Variants in AGMO observed in about 807,000 individuals in gnomAD.
AGMO encodes the protein glyceryl-ether monooxygenase.
AGMO carries 75 observed loss-of-function variants against 60.2 expected under a neutral mutation model. The observed-to-expected ratio is 1.25, with a 90% CI of 1.03 to 1.51. The LOEUF is 1.51. Among genes scored for constraint, AGMO ranks in the 40% most tolerant of loss-of-function variants. AGMO has a pLI of 0.00. For synonymous variants in AGMO, 261 were observed against 177.1 expected, an observed-to-expected ratio of 1.47 and a Z score of -3.76; for missense variants, 763 against 525.5, an observed-to-expected ratio of 1.45 and a Z score of -4.42.
intron 3 of AGMO, among the ~76,000 whole-genome samples, chr7:15,529,115 G>A (rs1784207463): frequency 6.6e-6 from 1 of 151,946 alleles, no homozygotes; most frequent in Non-Finnish European, 1.5e-5. Context: ...TTAATTGGGG[G>A]AATTCTTAAA....
At chr7:15,330,642 A>AT (rs968389892) in intron 12 of AGMO, among the ~76,000 whole-genome samples, 1 of 151,922 alleles carries the variant, frequency 6.6e-6, no homozygotes, top group South Asian at 2.1e-4. Flanking sequence ...AACTACACAT[A>AT]TTTTTTCTGG....
intron 12 of AGMO, among the ~76,000 whole-genome samples, chr7:15,301,658 G>A (rs1047395195): frequency 2.0e-5 from 3 of 151,994 alleles, no homozygotes; most frequent in African/African-American, 7.3e-5. Context: ...GAAGGTCCAC[G>A]ATACTTTTAG....
At chr7:15,345,427 CA>C (rs1781999899) in intron 12 of AGMO, among the ~76,000 whole-genome samples, 1 of 152,254 alleles carries the variant, frequency 6.6e-6, no homozygotes, top group Non-Finnish European at 1.5e-5. Context: ...ACTCAAGATA[CA>C]AATCATCACC....
the AGMO span, among the ~76,000 whole-genome samples, chr7:15,150,176 AGTT>A: frequency 6.6e-6 from 1 of 151,998 alleles, no homozygotes; most frequent in Non-Finnish European, 1.5e-5. Flanking sequence ...GCTTTACTGA[AGTT>A]GTTTTTCAGT....
chr7:15,432,243 T>C (rs1486474572), intron 3 of AGMO, among the ~76,000 whole-genome samples: 1 of 151,034 alleles, frequency 6.6e-6, no homozygotes, highest in Admixed American at 6.6e-5. Context: ...TGCCATATAC[T>C]GACTGTTAAA....
chr7:15,454,232 A>G (rs113299284), intron 3 of AGMO, among the ~76,000 whole-genome samples: 17 of 152,218 alleles, frequency 1.1e-4, no homozygotes, highest in African/African-American at 4.1e-4. Context: ...CAGAGGTCTA[A>G]CATACAAGTG....
At chr7:15,474,080 GC>G (rs1782524539) in intron 3 of AGMO, among the ~76,000 whole-genome samples, 1 of 152,102 alleles carries the variant, frequency 6.6e-6, no homozygotes, top group African/African-American at 2.4e-5. Flanking sequence ...AACATTCCAT[GC>G]TCATGGATAG....
chr7:15,496,110 C>T (rs1311838279), intron 3 of AGMO, among the ~76,000 whole-genome samples: 1 of 152,104 alleles, frequency 6.6e-6, no homozygotes. Flanking sequence ...TAGATTTGCA[C>T]AGCTTGGGTG....
At chr7:15,178,894 G>A in the AGMO span, among the ~76,000 whole-genome samples, 24 of 152,142 alleles carry the variant, frequency 1.6e-4, no homozygotes, top group African/African-American at 5.8e-4. Flanking sequence ...GTCATCATAC[G>A]GCAGGAAATG....
chr7:15,347,999 T>G (rs1782095519), intron 12 of AGMO, among the ~76,000 whole-genome samples: 1 of 152,110 alleles, frequency 6.6e-6, no homozygotes, highest in African/African-American at 2.4e-5. Flanking sequence ...ACTCAGCTCT[T>G]GATCTCAAAG....
chr7:15,473,656 C>T (rs1407524041), intron 3 of AGMO, among the ~76,000 whole-genome samples: 1 of 152,056 alleles, frequency 6.6e-6, no homozygotes, highest in Admixed American at 6.6e-5. Context: ...CAGTACAAGA[C>T]AAGGATGACC....
At chr7:15,477,093 G>C (rs1583592721) in intron 3 of AGMO, among the ~76,000 whole-genome samples, 1 of 151,780 alleles carries the variant, frequency 6.6e-6, no homozygotes, top group Non-Finnish European at 1.5e-5. Context: ...ACACAGAAAA[G>C]GAATTAGCCT....
chr7:15,137,587 C>A, the AGMO span, among the ~76,000 whole-genome samples: 1 of 152,060 alleles, frequency 6.6e-6, no homozygotes, highest in Non-Finnish European at 1.5e-5. Flanking sequence ...TGGACATGTA[C>A]AATCAAGTGC....
chr7:15,364,680 T>G (rs927247665), intron 12 of AGMO, among the ~76,000 whole-genome samples: 1 of 152,108 alleles, frequency 6.6e-6, no homozygotes, highest in Middle Eastern at 3.2e-3. Flanking sequence ...ATTTGCAATT[T>G]TGATAGATAT....
At chr7:15,465,897 C>T (rs1385861747) in intron 3 of AGMO, among the ~76,000 whole-genome samples, 1 of 151,952 alleles carries the variant, frequency 6.6e-6, no homozygotes, top group Non-Finnish European at 1.5e-5. Flanking sequence ...AGAATACCCT[C>T]CTAAATCAGT....
chr7:15,125,375 G>A, the AGMO span, among the ~76,000 whole-genome samples: 1 of 152,076 alleles, frequency 6.6e-6, no homozygotes, highest in South Asian at 2.1e-4. Flanking sequence ...GAAGTGCAGT[G>A]GAGGTAGGCT....
intron 12 of AGMO, among the ~76,000 whole-genome samples, chr7:15,214,175 A>T (rs2128494740): frequency 6.6e-6 from 1 of 152,170 alleles, no homozygotes; most frequent in Middle Eastern, 3.4e-3. Flanking sequence ...CTGTAAAAAC[A>T]AATCCACGGG....
intron 12 of AGMO, among the ~76,000 whole-genome samples, chr7:15,289,363 G>A (rs999262091): frequency 3.3e-5 from 5 of 151,520 alleles, no homozygotes; most frequent in Non-Finnish European, 7.4e-5. Flanking sequence ...ATAAGATTCC[G>A]AGTTTGTTTT....
chr7:15,182,026 G>C, the AGMO span, among the ~76,000 whole-genome samples: 2 of 152,270 alleles, frequency 1.3e-5, no homozygotes, highest in East Asian at 3.9e-4. Context: ...ATATCATTCA[G>C]ACTTGAAAAC....
Sources: allele counts gnomAD v4.1 joint callset (sites outside exome capture counted in the v4.1 genomes callset), GRCh38; gene constraint gnomAD v4.1.1; transcripts MANE v1.5; gene names NCBI Gene and HGNC (gene_info 2026-07-23, HGNC 2026-07-21).